UBE3B: variants seen among roughly 807,000 people sequenced by gnomAD.
UBE3B encodes the protein ubiquitin protein ligase E3B, also known as ubiquitin-protein ligase E3B.
In UBE3B, 80 loss-of-function variants were observed where a neutral mutation model predicts 132.3. That is an observed-to-expected ratio of 0.60 (90% CI 0.50 to 0.73). The LOEUF (loss-of-function observed/expected upper bound fraction) is 0.73, where lower values mean the gene tolerates loss of function less well. Ranked by LOEUF, UBE3B falls within the 30% of genes least tolerant of loss-of-function variation. UBE3B has a pLI of 0.00. For synonymous variants in UBE3B, 487 were observed against 520.4 expected, an observed-to-expected ratio of 0.94 and a Z score of 0.87; for missense variants, 1,196 against 1,362.5, an observed-to-expected ratio of 0.88 and a Z score of 1.92.
chr12:109,477,845 TG>T lies in UBE3B; in HGVS notation c.-388del. ...TCGTCAGTCCTCCGAGTGGTGGGGC[TG>T]GGGACTTTGAGGGAGTTGGCTCTAG... is the stretch of plus-strand genomic sequence containing the variant. On this transcript the variant is annotated 5_prime_UTR_variant, in exon 1 of 28. Coordinates refer to ENST00000342494, the MANE Select transcript of UBE3B (RefSeq NM_130466.4). The T allele has an allele frequency of 6.3e-6, 1 of 158,510 alleles. No individual in the cohort carries two copies. The highest frequency in any genetic ancestry group is 1.4e-5 in the Non-Finnish European group (1 of 71,500). The allele number at this position is 158,510 out of a possible 1,614,324, so 9.8% of individuals were successfully genotyped here.
At position 109,499,777 on chromosome 12, in the gene UBE3B, T is replaced by G; in HGVS notation, c.1085T>G (p.Val362Gly). Reference sequence around the variant, plus strand: ...TCCAACCTGACCCACTGGCATCCTGTCCTTGGCTGGTTCTCCCAATCTGTG... The same window carrying G: ...TCCAACCTGACCCACTGGCATCCTGGCCTTGGCTGGTTCTCCCAATCTGTG... ...KKSNLTHWHP[V>G]LGWFSQSVDY... The change falls in exon 12 of 28, where the codon GTC (valine) becomes GGC (glycine). Residue 362 changes from valine (V) to glycine (G), a missense_variant. By Grantham distance (109) the Val-to-Gly change is moderately radical (BLOSUM62 -3). Coordinates refer to ENST00000342494, the MANE Select transcript of UBE3B (RefSeq NM_130466.4). 6.2e-7 allele frequency: 1 copy of G among 1,609,788 alleles called. No individual in the cohort carries two copies. Among genetic ancestry groups the G allele is most frequent in the Non-Finnish European group, 8.5e-7 (1 of 1,177,762 alleles).
intron 9 of UBE3B, 32 bp from the exon 10 acceptor site, chr12:109,497,786 C>T (rs1469463103): frequency 3.1e-6 from 5 of 1,608,758 alleles, no homozygotes; most frequent in South Asian, 2.2e-5. Flanking sequence ...ACACGGAGAC[C>T]TGTCTGAATG....
chr12:109,479,246 A>C (rs544053888), intron 1 of UBE3B, among the ~76,000 whole-genome samples: 1 of 152,310 alleles, frequency 6.6e-6, no homozygotes, highest in South Asian at 2.1e-4. Context: ...ACTAGATTGC[A>C]AGCTTCTTAA....
intron 18 of UBE3B, among the ~76,000 whole-genome samples, chr12:109,513,295 T>C (rs796272286): frequency 4.7e-5 from 7 of 149,866 alleles, no homozygotes; most frequent in African/African-American, 1.8e-4. Flanking sequence ...ACGTGTGCTG[T>C]GGCCACTGGA....
rs940227515 is a variant in UBE3B at position 109,534,361 on chromosome 12, A to C, written c.3016-230A>C. ...AGGCCCCATTTCCAAAAGCTTACTT[A>C]GTGCAGGAATTCTCTGTGCAGGCCC... On this transcript the variant is annotated intron_variant, in intron 27 of 27. Transcript: ENST00000342494. The surrounding 1 kb of genome is among the most constrained non-coding windows in gnomAD (Gnocchi z 5.2). 1.2e-5 allele frequency: 17 copies of C among 1,415,038 alleles called. No individual in the cohort carries two copies. The African/African-American group carries it at 2.5e-4, about 20-fold the overall frequency. The allele number at this position is 1,415,038 out of a possible 1,614,324, so 87.7% of individuals were successfully genotyped here.
chr12:109,494,266 C>A (rs192919618), intron 9 of UBE3B, among the ~76,000 whole-genome samples: 5 of 152,312 alleles, frequency 3.3e-5, no homozygotes, highest in African/African-American at 7.2e-5. Context: ...TCTTCTTATT[C>A]TTTGTACTTG....
Position 109,534,734 on chromosome 12 carries a change from G to A in UBE3B, c.3159G>A (p.Glu1053=), listed in dbSNP as rs535845992. 13 of 1,599,032 alleles carry A rather than the reference G, an allele frequency of 8.1e-6. No homozygotes were observed. Among genetic ancestry groups the A allele is most frequent in the Non-Finnish European group, 1.0e-5 (12 of 1,172,466 alleles). ...ACAGCAAGAAGAGCGTCCTCCGCGA[G>A]AAGCTGCGCTACGCCATCAGCATGA... ...PNYSKKSVLR[E]KLRYAISMNT... Residue 1053 remains glutamate (E), a synonymous_variant, in exon 28 of 28, where the codon GAG becomes GAA. Coordinates refer to ENST00000342494, the MANE Select transcript of UBE3B (RefSeq NM_130466.4). This position sits in a 1 kb window ranked among gnomAD's most constrained non-coding sequence, Gnocchi z 5.2.
At chr12:109,493,867 C>A (rs1206872057) in intron 9 of UBE3B, among the ~76,000 whole-genome samples, 2 of 152,196 alleles carry the variant, frequency 1.3e-5, no homozygotes, top group Non-Finnish European at 2.9e-5. Flanking sequence ...GCTTTGCCAT[C>A]AAGGGTGGAG....
chr12:109,522,659 C>T lies in UBE3B; in HGVS notation c.2364+1108C>T, dbSNP rs577449109. ...GGAGGTCTCAGGGCCAAACTCCTTT[C>T]ACTCTCGAATAATCCATTGTTCTCT... On this transcript the variant is annotated intron_variant, in intron 21 of 27. Transcript: ENST00000342494. The surrounding 1 kb of genome is among the most constrained non-coding windows in gnomAD (Gnocchi z 4.2). 1.1e-4 allele frequency among the ~76,000 whole-genome samples: 17 copies of T among 152,332 alleles called. 1 individual carries two copies. The South Asian group carries it at 3.1e-3, about 28-fold the overall frequency.
At position 109,536,036 on chromosome 12, in the gene UBE3B, C is replaced by T. The variant is rs1182506694; in HGVS notation, c.*1254C>T. The T allele has an allele frequency of 6.6e-6, 1 of 152,222 alleles. No homozygotes were observed. Among genetic ancestry groups the T allele is most frequent in the East Asian group, 1.9e-4 (1 of 5,194 alleles). The allele number at this position is 152,222 out of a possible 1,614,324, so 9.4% of individuals were successfully genotyped here. A position where few individuals can be genotyped will look rare whatever the true frequency, so the allele number is the denominator to read the frequency against. ...GAAGGCCCAGTCCCTCCTCTGCTCT[C>T]CTCAAAGACGCAAAACATTTTCCAA... is the stretch of plus-strand genomic sequence containing the variant. On this transcript the variant is annotated 3_prime_UTR_variant, in exon 28 of 28. Transcript: ENST00000342494.
intron 23 of UBE3B, 67 bp from the exon 24 acceptor site, chr12:109,526,291 C>A (rs955819912): frequency 6.0e-6 from 9 of 1,491,816 alleles, no homozygotes; most frequent in Admixed American, 1.7e-5. Context: ...TGGGCCCTCT[C>A]ATCTCCGGGA....
rs559891959 is a variant in UBE3B, at chr12:109,509,319, T to C, written c.1623-277T>C. 6 of 216,578 alleles carry C rather than the reference T, an allele frequency of 2.8e-5. No homozygotes were observed. The South Asian group carries it at 5.2e-4, about 19-fold the overall frequency. The allele number at this position is 216,578 out of a possible 1,614,324, so 13.4% of individuals were successfully genotyped here. A position where few individuals can be genotyped will look rare whatever the true frequency, so the allele number is the denominator to read the frequency against. Reference sequence around the variant, plus strand: ...GTGCTGAAAGTGCAGGTTTGTTACATAGGTATACATGTGCTGTGGTGGTTT... The same window carrying C: ...GTGCTGAAAGTGCAGGTTTGTTACACAGGTATACATGTGCTGTGGTGGTTT... On this transcript the variant is annotated intron_variant, in intron 15 of 27. Coordinates refer to ENST00000342494, the MANE Select transcript of UBE3B (RefSeq NM_130466.4).
intron 14 of UBE3B, among the ~76,000 whole-genome samples, chr12:109,503,559 G>A (rs1879272080): frequency 6.6e-6 from 1 of 151,752 alleles, no homozygotes; most frequent in Admixed American, 6.6e-5. Context: ...TGAGTGTACT[G>A]CACATATAAA....
At chr12:109,532,873 A>G (rs1426329194) in intron 26 of UBE3B, among the ~76,000 whole-genome samples, 3 of 152,210 alleles carry the variant, frequency 2.0e-5, no homozygotes, top group Non-Finnish European at 2.9e-5. Context: ...CCGGGGCCCC[A>G]GCACATAGAC....
At chr12:109,509,431 C>T in intron 15 of UBE3B, 165 bp from the exon 16 acceptor site, 1 of 521,026 alleles carries the variant, frequency 1.9e-6, no homozygotes, top group Non-Finnish European at 3.4e-6. Context: ...TTTCCCCCTA[C>T]CCCTGATGAT....
intron 19 of UBE3B, chr12:109,520,641 A>G (rs1881590241): frequency 6.5e-6 from 1 of 152,790 alleles, no homozygotes; most frequent in Non-Finnish European, 1.5e-5. Context: ...GATGTCCCCT[A>G]AATTCCTCAG....
intron 19 of UBE3B, among the ~76,000 whole-genome samples, chr12:109,518,626 A>T (rs940687819): frequency 2.6e-5 from 4 of 152,020 alleles, no homozygotes; most frequent in Admixed American, 2.6e-4. Flanking sequence ...GCCAGCACCC[A>T]CCCATGGGAA....
At chr12:109,511,107 AC>A in intron 17 of UBE3B, 96 bp from the exon 18 acceptor site, 1 of 1,025,848 alleles carries the variant, frequency 9.7e-7, no homozygotes, top group African/African-American at 1.6e-5. Flanking sequence ...AACAGACAGC[AC>A]CCTGCATGTG....
the UBE3B span, among the ~76,000 whole-genome samples, chr12:109,542,041 C>T: frequency 1.3e-5 from 2 of 152,196 alleles, no homozygotes; most frequent in Admixed American, 1.3e-4. Context: ...CAGGGGGACA[C>T]CATTCAACCC....
Sources: allele counts gnomAD v4.1 joint callset (sites outside exome capture counted in the v4.1 genomes callset), GRCh38; gene constraint gnomAD v4.1.1; non-coding constraint Gnocchi (gnomAD v3.1); transcripts MANE v1.5; gene names NCBI Gene and HGNC (gene_info 2026-07-23, HGNC 2026-07-21).